Variants in SAMMSON observed in about 807,000 individuals in gnomAD.
The protein encoded by SAMMSON is long intergenic non-protein coding RNA 1212.
intron 4 of SAMMSON, among the ~76,000 whole-genome samples, chr3:70,185,539 CAGAG>C (rs1310841992): frequency 6.6e-6 from 1 of 152,160 alleles, no homozygotes; most frequent in Non-Finnish European, 1.5e-5. Context: ...TATAGGACAA[CAGAG>C]AGCATGAATA....
chr3:70,101,771 A>T (rs969681147), intron 4 of SAMMSON, among the ~76,000 whole-genome samples: 1 of 152,194 alleles, frequency 6.6e-6, no homozygotes, highest in Non-Finnish European at 1.5e-5. Flanking sequence ...ACTCGTAAGG[A>T]AACAGACCAA....
rs1218799158 is a variant in SAMMSON at position 70,287,317 on chromosome 3, A to C, written n.675-3862A>C. On this transcript the variant is annotated intron_variant and non_coding_transcript_variant, in intron 6 of 9. Coordinates refer to ENST00000642114, the Ensembl canonical transcript of SAMMSON. ...CTTTTCTGCATCTATTGAGATAATC[A>C]TGTGGTTTTTGTCTTTGGCTGTGTT... Among the ~76,000 whole-genome samples the C allele has an allele frequency of 8.9e-5, 13 of 145,474 alleles. No individual in the cohort carries two copies. The East Asian group carries it at 2.2e-3, about 24-fold the overall frequency.
chr3:70,206,103 A>G (rs1701288454), intron 4 of SAMMSON, among the ~76,000 whole-genome samples: 1 of 151,964 alleles, frequency 6.6e-6, no homozygotes, highest in Non-Finnish European at 1.5e-5. Flanking sequence ...CTCCTTTCTC[A>G]TAGATTGCTG....
At chr3:70,413,237 AAT>A (rs1701236064) in intron 2 of SAMMSON, among the ~76,000 whole-genome samples, 1 of 152,136 alleles carries the variant, frequency 6.6e-6, no homozygotes, top group Non-Finnish European at 1.5e-5. Context: ...CTTCTTTAGT[AAT>A]CTGCTCCAGT....
chr3:70,217,117 A>G (rs966789640), intron 4 of SAMMSON, among the ~76,000 whole-genome samples: 1 of 152,074 alleles, frequency 6.6e-6, no homozygotes, highest in South Asian at 2.1e-4. Flanking sequence ...CCCTTGACCA[A>G]AATGCTGCCT....
At chr3:70,365,836 C>T (rs1335904111) in intron 9 of SAMMSON, among the ~76,000 whole-genome samples, 1 of 151,582 alleles carries the variant, frequency 6.6e-6, no homozygotes, top group Non-Finnish European at 1.5e-5. Context: ...TCTTGACCTC[C>T]TATTTTTTAA....
rs139845858 is a variant in SAMMSON at position 70,136,246 on chromosome 3, T to G, written n.507+64681T>G. On this transcript the variant is annotated intron_variant and non_coding_transcript_variant, in intron 4 of 9. Coordinates refer to ENST00000642114, the Ensembl canonical transcript of SAMMSON. ...CCTCCCACGCTGAATAGAACTGAGC[T>G]GTTCACCAAAAAGTTATTGTGGTTG... Among the ~76,000 whole-genome samples, 962 of 152,326 alleles carry G rather than the reference T, an allele frequency of 6.3e-3. 4 individuals are homozygous for G. The highest frequency in any genetic ancestry group is 9.0e-3 in the Non-Finnish European group (614 of 68,014).
In SAMMSON at chr3:70,132,210, G is replaced by A. The variant is rs150203003; in HGVS notation, n.507+60645G>A. ...CTGCCTGATGCTGCCCCTCCTTTTT[G>A]TGACTTCAATACAGCAGCCAACCAG... On this transcript the variant is annotated intron_variant and non_coding_transcript_variant, in intron 4 of 9. Coordinates refer to ENST00000642114, the Ensembl canonical transcript of SAMMSON. Among the ~76,000 whole-genome samples, 3 of 152,162 alleles carry A rather than the reference G, an allele frequency of 2.0e-5. No individual in the cohort carries two copies. The East Asian group carries it at 5.8e-4, about 29-fold the overall frequency.
chr3:70,225,360 C>T (rs539176717), intron 4 of SAMMSON, among the ~76,000 whole-genome samples: 5 of 152,274 alleles, frequency 3.3e-5, no homozygotes, highest in African/African-American at 9.6e-5. Context: ...CAGAGTTCTG[C>T]CGTTCAAGTC....
At chr3:70,067,735 GA>G (rs1235013939) in intron 3 of SAMMSON, among the ~76,000 whole-genome samples, 1 of 152,030 alleles carries the variant, frequency 6.6e-6, no homozygotes, top group African/African-American at 2.4e-5. Context: ...ACTGGAAAAG[GA>G]GGAGCATAAC....
chr3:70,110,202 G>A (rs1219093128), intron 4 of SAMMSON, among the ~76,000 whole-genome samples: 1 of 152,162 alleles, frequency 6.6e-6, no homozygotes, highest in African/African-American at 2.4e-5. Context: ...CTCTTACTCT[G>A]TAAGATACTC....
chr3:70,202,459 C>A (rs530892792), intron 4 of SAMMSON, among the ~76,000 whole-genome samples: 2 of 152,206 alleles, frequency 1.3e-5, no homozygotes, highest in East Asian at 3.9e-4. Context: ...GCTTACTGTT[C>A]ACTGTATTTG....
At chr3:70,029,742 A>C (rs1340939108) in intron 3 of SAMMSON, among the ~76,000 whole-genome samples, 1 of 149,016 alleles carries the variant, frequency 6.7e-6, no homozygotes, top group African/African-American at 2.5e-5. Flanking sequence ...GTGACAGAGT[A>C]AGACTCTGTC....
chr3:70,017,883 T>C (rs924641560), intron 3 of SAMMSON, among the ~76,000 whole-genome samples: 2 of 152,100 alleles, frequency 1.3e-5, no homozygotes, highest in African/African-American at 2.4e-5. Flanking sequence ...TGCTGGATTA[T>C]GTTTATTGAT....
chr3:70,020,617 C>G (rs926642005), intron 3 of SAMMSON, among the ~76,000 whole-genome samples: 2 of 152,128 alleles, frequency 1.3e-5, no homozygotes, highest in Non-Finnish European at 2.9e-5. Flanking sequence ...CCACAGCTTT[C>G]ATCCACACAT....
intron 3 of SAMMSON, among the ~76,000 whole-genome samples, chr3:70,031,356 A>G (rs2067065510): frequency 6.6e-6 from 1 of 152,140 alleles, no homozygotes; most frequent in Admixed American, 6.6e-5. Context: ...AGACATGGAA[A>G]ATAGGATAGA....
At chr3:70,251,855 C>T (rs1701772493) in intron 6 of SAMMSON, among the ~76,000 whole-genome samples, 1 of 152,110 alleles carries the variant, frequency 6.6e-6, no homozygotes, top group African/African-American at 2.4e-5. Flanking sequence ...CATAGATAAG[C>T]AAGAAAGAAA....
chr3:70,227,951 A>G (rs957015623), intron 4 of SAMMSON, among the ~76,000 whole-genome samples: 1 of 152,022 alleles, frequency 6.6e-6, no homozygotes, highest in Non-Finnish European at 1.5e-5. Context: ...TTAATAGGTG[A>G]ATAGTATAAC....
intron 4 of SAMMSON, among the ~76,000 whole-genome samples, chr3:70,181,594 T>C (rs1302745051): frequency 6.6e-6 from 1 of 152,204 alleles, no homozygotes; most frequent in East Asian, 1.9e-4. Flanking sequence ...AGTAGAATAA[T>C]GCATGGGAAT....
Sources: gnomAD v4.1 joint callset for allele counts (sites outside exome capture counted in the v4.1 genomes callset) on GRCh38, gnomAD v4.1.1 for gene constraint, MANE v1.5 for transcripts, NCBI Gene and HGNC (gene_info 2026-07-23, HGNC 2026-07-21) for gene names.